Variants in KDM4C observed in about 807,000 individuals in gnomAD.
The protein encoded by KDM4C is lysine-specific demethylase 4C.
In KDM4C, 81 loss-of-function variants were observed where a neutral mutation model predicts 129.3. The observed-to-expected ratio is 0.63, with a 90% CI of 0.52 to 0.75. The LOEUF is 0.75. Ranked by LOEUF, KDM4C falls within the 30% of genes least tolerant of loss-of-function variation. The pLI, the probability that KDM4C is intolerant of heterozygous loss-of-function variation, is 0.00. For synonymous variants in KDM4C, 573 were observed against 456.1 expected (o/e 1.26, Z -3.26); for missense variants, 1,457 against 1,304.0 (o/e 1.12, Z -1.81).
At chr9:6,743,934 A>G (rs1416413486) in intron 1 of KDM4C, among the ~76,000 whole-genome samples, 2 of 150,398 alleles carry the variant, frequency 1.3e-5, no homozygotes, top group East Asian at 1.9e-4. Flanking sequence ...TTTTTTTTGA[A>G]ATAAGGTCTC....
intron 8 of KDM4C, among the ~76,000 whole-genome samples, chr9:6,946,539 A>T (rs1467192731): frequency 6.6e-6 from 1 of 152,034 alleles, no homozygotes; most frequent in East Asian, 1.9e-4. Context: ...GATTTTTAGG[A>T]TTGTTATCCA....
intron 4 of KDM4C, among the ~76,000 whole-genome samples, chr9:6,847,202 G>C (rs1274354285): frequency 1.3e-5 from 2 of 152,142 alleles, no homozygotes; most frequent in Non-Finnish European, 2.9e-5. Flanking sequence ...CTATAATATG[G>C]TGCTCATTTA....
chr9:6,842,334 T>TTTTTTTTTTG (rs1554714659), intron 4 of KDM4C, among the ~76,000 whole-genome samples: 1 of 124,094 alleles, frequency 8.1e-6, no homozygotes, highest in Admixed American at 8.9e-5. Context: ...TTTTTTTTTT[T>TTTTTTTTTTG]GAGACGGAGT....
chr9:6,926,585 T>G (rs973338607), intron 8 of KDM4C, among the ~76,000 whole-genome samples: 7 of 152,212 alleles, frequency 4.6e-5, no homozygotes, highest in Non-Finnish European at 1.0e-4. Context: ...AACCTCAGAC[T>G]CTTATTTCTG....
At chr9:6,882,678 G>C (rs1844634739) in intron 6 of KDM4C, among the ~76,000 whole-genome samples, 1 of 151,854 alleles carries the variant, frequency 6.6e-6, no homozygotes, top group African/African-American at 2.4e-5. Context: ...AACAAATGTT[G>C]GTTTTGTTAC....
At chr9:7,141,533 G>A (rs547791242) in intron 19 of KDM4C, among the ~76,000 whole-genome samples, 1 of 152,292 alleles carries the variant, frequency 6.6e-6, no homozygotes, top group South Asian at 2.1e-4. Flanking sequence ...GTGATGGATT[G>A]ATAATGGGGG....
intron 18 of KDM4C, among the ~76,000 whole-genome samples, chr9:7,124,244 CA>C (rs1299531646): frequency 1.3e-5 from 2 of 152,198 alleles, no homozygotes; most frequent in South Asian, 2.1e-4. Context: ...ATTCAACTTC[CA>C]ATTTTAACAA....
intron 12 of KDM4C, among the ~76,000 whole-genome samples, chr9:7,001,978 C>T (rs536085015): frequency 1.5e-4 from 23 of 152,224 alleles, no homozygotes; most frequent in East Asian, 3.9e-4. Context: ...CTGCAGCATC[C>T]GCCTCCTGGG....
chr9:7,051,979 T>C (rs2132582418), intron 17 of KDM4C, among the ~76,000 whole-genome samples: 1 of 152,252 alleles, frequency 6.6e-6, no homozygotes, highest in Non-Finnish European at 1.5e-5. Context: ...AGCTATCCCC[T>C]GGGAGGCAAA....
chr9:7,092,558 G>T (rs761706981), intron 17 of KDM4C, among the ~76,000 whole-genome samples: 2 of 152,134 alleles, frequency 1.3e-5, no homozygotes, highest in African/African-American at 4.8e-5. Context: ...CACAGTTGAA[G>T]CAGTAAAATA....
intron 5 of KDM4C, among the ~76,000 whole-genome samples, chr9:6,865,147 T>C (rs1248943162): frequency 6.6e-6 from 1 of 151,886 alleles, no homozygotes; most frequent in Non-Finnish European, 1.5e-5. Context: ...TAGCTGGGAC[T>C]GCAGGTGCCC....
At chr9:6,819,602 C>G (rs1158393826) in intron 4 of KDM4C, among the ~76,000 whole-genome samples, 2 of 152,182 alleles carry the variant, frequency 1.3e-5, no homozygotes, top group African/African-American at 4.8e-5. Context: ...GTGTTGTAAA[C>G]TGCTTCTGGT....
chr9:6,893,369 C>T (rs998487329), intron 8 of KDM4C, 137 bp downstream of exon 8: 1 of 549,146 alleles, frequency 1.8e-6, no homozygotes, highest in Non-Finnish European at 3.0e-6. Context: ...CAATTCACTT[C>T]AGGCTCGATA....
At chr9:6,843,145 C>T (rs201926549) in intron 4 of KDM4C, among the ~76,000 whole-genome samples, 2 of 152,068 alleles carry the variant, frequency 1.3e-5, no homozygotes, top group Non-Finnish European at 2.9e-5. Flanking sequence ...GCCAGGCTGG[C>T]CTTGAACTCC....
chr9:6,762,292 C>G (rs944434246), intron 1 of KDM4C, among the ~76,000 whole-genome samples: 1 of 151,864 alleles, frequency 6.6e-6, no homozygotes, highest in Non-Finnish European at 1.5e-5. Flanking sequence ...TGTTCCCCTC[C>G]CTGTGTCCAT....
intron 19 of KDM4C, among the ~76,000 whole-genome samples, chr9:7,155,929 G>A (rs930577299): frequency 2.0e-5 from 3 of 152,184 alleles, no homozygotes; most frequent in African/African-American, 4.8e-5. Context: ...GTGAGCAATC[G>A]CCATACTGTC....
chr9:6,887,198 G>T (rs1390361549), intron 6 of KDM4C, among the ~76,000 whole-genome samples: 1 of 152,186 alleles, frequency 6.6e-6, no homozygotes, highest in African/African-American at 2.4e-5. Context: ...CAGTACATCA[G>T]ACATGTTCAT....
chr9:6,791,136 C>T (rs1341896240), intron 1 of KDM4C, among the ~76,000 whole-genome samples: 1 of 152,034 alleles, frequency 6.6e-6, no homozygotes, highest in African/African-American at 2.4e-5. Flanking sequence ...TTACTTCTTC[C>T]TGTGTCACTC....
At chr9:7,061,295 G>C (rs1400897437) in intron 17 of KDM4C, among the ~76,000 whole-genome samples, 4 of 152,162 alleles carry the variant, frequency 2.6e-5, no homozygotes, top group Non-Finnish European at 4.4e-5. Context: ...AAGATATTCA[G>C]ATACACCAGG....
Sources: gnomAD v4.1 joint callset for allele counts (sites outside exome capture counted in the v4.1 genomes callset) on GRCh38, gnomAD v4.1.1 for gene constraint, MANE v1.5 for transcripts, NCBI Gene and HGNC (gene_info 2026-07-23, HGNC 2026-07-21) for gene names.